Variants in CSMD1 observed in about 807,000 individuals in gnomAD.
CSMD1 encodes CUB and Sushi multiple domains 1, also known as CUB and sushi domain-containing protein 1.
CSMD1 carries 213 observed loss-of-function variants against 417.5 expected under a neutral mutation model. That is an observed-to-expected ratio of 0.51 (90% CI 0.46 to 0.57). CSMD1 has a LOEUF of 0.57. CSMD1 is among the 20% of genes least tolerant of loss of function. The pLI, the probability that CSMD1 is intolerant of heterozygous loss-of-function variation, is 0.00. For synonymous variants in CSMD1, 2,862 were observed against 1,736.8 expected (o/e 1.65, Z -16.11); for missense variants, 6,923 against 4,529.7 (o/e 1.53, Z -15.17).
intron 1 of CSMD1, among the ~76,000 whole-genome samples, chr8:4,820,516 C>G (rs1339986793): frequency 6.6e-6 from 1 of 152,076 alleles, no homozygotes; most frequent in Non-Finnish European, 1.5e-5. Flanking sequence ...CCAACCTCCT[C>G]TCAGAAAGAC....
chr8:3,166,188 TA>T (rs950168596), intron 37 of CSMD1, among the ~76,000 whole-genome samples: 17 of 151,290 alleles, frequency 1.1e-4, no homozygotes, highest in East Asian at 3.9e-4. Flanking sequence ...TCATGTACTT[TA>T]AAAAAAAAGA....
chr8:3,303,456 G>A (rs571777550), intron 25 of CSMD1, among the ~76,000 whole-genome samples: 1 of 152,170 alleles, frequency 6.6e-6, no homozygotes, highest in African/African-American at 2.4e-5. Flanking sequence ...GCATAGGAAT[G>A]CTTTTGACAA....
chr8:4,389,783 TA>T (rs1372300691), intron 3 of CSMD1, among the ~76,000 whole-genome samples: 1 of 152,144 alleles, frequency 6.6e-6, no homozygotes, highest in Non-Finnish European at 1.5e-5. Context: ...TGAAACCTAT[TA>T]AAAATGTAAA....
At chr8:4,759,052 G>C (rs557614297) in intron 1 of CSMD1, among the ~76,000 whole-genome samples, 2 of 152,330 alleles carry the variant, frequency 1.3e-5, no homozygotes, top group South Asian at 2.1e-4. Context: ...TTGATGTGCA[G>C]AAAAGTTATT....
At chr8:3,074,454 T>C (rs1359073302) in intron 49 of CSMD1, among the ~76,000 whole-genome samples, 1 of 152,194 alleles carries the variant, frequency 6.6e-6, no homozygotes, top group African/African-American at 2.4e-5. Context: ...CTTAGGATTC[T>C]ACCTTCACCA....
At chr8:4,121,039 G>A (rs1382291449) in intron 3 of CSMD1, among the ~76,000 whole-genome samples, 3 of 152,150 alleles carry the variant, frequency 2.0e-5, no homozygotes, top group Non-Finnish European at 2.9e-5. Flanking sequence ...TAGTAGTCCA[G>A]GAACAAAGGA....
In CSMD1 at chr8:3,795,184, G is replaced by C. The variant is rs1434715228; in HGVS notation, c.819-41142C>G. Among the ~76,000 whole-genome samples, 27 of 83,228 alleles carry C rather than the reference G, an allele frequency of 3.2e-4. 4 individuals carry two copies. Among genetic ancestry groups the C allele is most frequent in the African/African-American group, 1.4e-3 (27 of 19,912 alleles). 54.6% of individuals were successfully genotyped at this position (83,228 alleles called of 152,430 possible). A position where few individuals can be genotyped will look rare whatever the true frequency, so the allele number is the denominator to read the frequency against. On this transcript the variant is annotated intron_variant, in intron 5 of 69. Transcript: ENST00000635120. ...TAGATACCTATCATGTACAGCTATA[G>C]ATACCTATCATGTACAGATATAGAT...
In CSMD1 at chr8:3,616,710, C is replaced by G. The variant is rs1243366321; in HGVS notation, c.1097G>C (p.Arg366Thr). The change falls in exon 8 of 70, where the codon AGG (arginine) becomes ACG (threonine). Residue 366 changes from arginine (R) to threonine (T), a missense_variant and splice_region_variant. Physicochemically the swap from Arg to Thr is moderately conservative, Grantham distance 71 (BLOSUM62 -1). Coordinates refer to ENST00000635120, the MANE Select transcript of CSMD1 (RefSeq NM_033225.6). ...ENGRRAGSDF[R>T]VGANVQFSCE... ...TTTCCACCACTATTGTATCTCTTAC[C>G]TGAAGTCGGAACCTGCTCTTCTACC... 4.4e-6 allele frequency: 7 copies of G among 1,601,398 alleles called. No homozygotes were observed. Among genetic ancestry groups the G allele is most frequent in the East Asian group, 2.2e-5 (1 of 44,734 alleles).
At chr8:3,325,505 C>T (rs1806466581) in intron 23 of CSMD1, among the ~76,000 whole-genome samples, 2 of 152,202 alleles carry the variant, frequency 1.3e-5, no homozygotes, top group Non-Finnish European at 2.9e-5. Flanking sequence ...ACTTATTCCT[C>T]AATTAGTTCC....
chr8:3,996,749 CCCT>C (rs987813475), intron 5 of CSMD1, among the ~76,000 whole-genome samples: 15 of 152,246 alleles, frequency 9.9e-5, no homozygotes, highest in African/African-American at 3.4e-4. Context: ...GTTTCTTCCT[CCCT>C]CCTATTTGAA....
intron 49 of CSMD1, among the ~76,000 whole-genome samples, chr8:3,085,821 GA>G (rs1296871446): frequency 5.9e-5 from 9 of 152,116 alleles, no homozygotes; most frequent in East Asian, 1.9e-4. Context: ...CAGAAAGATG[GA>G]CTAGCATGTG....
intron 6 of CSMD1, among the ~76,000 whole-genome samples, chr8:3,749,091 G>C (rs775385156): frequency 1.3e-5 from 2 of 152,162 alleles, no homozygotes; most frequent in Non-Finnish European, 1.5e-5. Flanking sequence ...GGCCCTCATG[G>C]TTCAAGATTA....
intron 5 of CSMD1, among the ~76,000 whole-genome samples, chr8:3,914,109 T>A (rs1808644435): frequency 6.6e-6 from 1 of 152,206 alleles, no homozygotes; most frequent in Non-Finnish European, 1.5e-5. Flanking sequence ...TGCCTTGTCT[T>A]CAGCGTTAGA....
intron 7 of CSMD1, among the ~76,000 whole-genome samples, chr8:3,698,548 G>T (rs965084428): frequency 6.6e-6 from 1 of 152,246 alleles, no homozygotes; most frequent in African/African-American, 2.4e-5. Context: ...GCCTGCTTCT[G>T]CAGCAGTGTT....
intron 23 of CSMD1, among the ~76,000 whole-genome samples, chr8:3,316,634 A>G (rs1805783672): frequency 6.6e-6 from 1 of 152,096 alleles, no homozygotes; most frequent in Non-Finnish European, 1.5e-5. Flanking sequence ...GCAGTTGGGA[A>G]CACCAATTTA....
chr8:3,232,973 G>A (rs7838049), intron 26 of CSMD1, among the ~76,000 whole-genome samples: 64,490 of 151,556 alleles, frequency 0.43, 13,840 homozygotes, highest in South Asian at 0.55. Flanking sequence ...CATTGTCATT[G>A]TCCATTTGTT....
At chr8:3,857,989 G>A (rs538188323) in intron 5 of CSMD1, among the ~76,000 whole-genome samples, 6 of 152,308 alleles carry the variant, frequency 3.9e-5, no homozygotes, top group African/African-American at 1.4e-4. Flanking sequence ...TCGGCATGGT[G>A]CGGTCTCTGC....
At chr8:4,476,759 T>C (rs147152705) in intron 2 of CSMD1, among the ~76,000 whole-genome samples, 2 of 152,284 alleles carry the variant, frequency 1.3e-5, no homozygotes, top group African/African-American at 2.4e-5. Flanking sequence ...TTTGTTCATA[T>C]GTAAGGATTA....
At chr8:3,288,407 C>T (rs960114213) in intron 25 of CSMD1, among the ~76,000 whole-genome samples, 14 of 146,978 alleles carry the variant, frequency 9.5e-5, no homozygotes, top group East Asian at 2.0e-4. Context: ...TGGTAGAATT[C>T]GGCTGTGAAT....
Sources: gnomAD v4.1 joint callset for allele counts (sites outside exome capture counted in the v4.1 genomes callset) on GRCh38, gnomAD v4.1.1 for gene constraint, MANE v1.5 for transcripts, NCBI Gene and HGNC (gene_info 2026-07-23, HGNC 2026-07-21) for gene names.